PHF20: variants seen among roughly 807,000 people sequenced by gnomAD.
The protein encoded by PHF20 is PHD finger protein 20.
Under a neutral mutation model 113.5 loss-of-function variants are expected in PHF20, and 23 were observed. The observed-to-expected ratio is 0.20, with a 90% CI of 0.15 to 0.29. The LOEUF (loss-of-function observed/expected upper bound fraction) is 0.29. Ranked by LOEUF, PHF20 falls within the 10% of genes least tolerant of loss-of-function variation. The pLI is 1.00. For missense variants in PHF20, 943 were observed against 1,219.6 expected (o/e 0.77, Z 3.38); for synonymous variants, 434 against 457.3 (o/e 0.95, Z 0.65).
In PHF20 at chr20:35,916,803, C is replaced by T. The variant is rs181679107; in HGVS notation, c.1826-681C>T. ...TTGAGACAAAGTCTCACGCTGTCACCCAGGATGGAGTGCAGTGGTGTGATC... is the reference window on the plus strand; with the variant it reads ...TTGAGACAAAGTCTCACGCTGTCACTCAGGATGGAGTGCAGTGGTGTGATC... On this transcript the variant is annotated intron_variant, in intron 12 of 17. Coordinates refer to ENST00000374012, the MANE Select transcript of PHF20 (RefSeq NM_016436.5). Among the ~76,000 whole-genome samples the T allele has an allele frequency of 6.6e-5, 10 of 152,264 alleles. No individual in the cohort carries two copies. The East Asian group carries it at 1.9e-3, about 29-fold the overall frequency.
chr20:35,878,266 G>A (rs1379151226), intron 9 of PHF20, among the ~76,000 whole-genome samples: 2 of 152,130 alleles, frequency 1.3e-5, no homozygotes, highest in Non-Finnish European at 2.9e-5. Flanking sequence ...CTGTCCAGAC[G>A]AATGGATGAG....
At chr20:35,926,272 C>G (rs73618550) in intron 13 of PHF20, among the ~76,000 whole-genome samples, 6,503 of 104,236 alleles carry the variant, frequency 0.062, 138 homozygotes, top group African/African-American at 0.14. Flanking sequence ...GAGTCTCGCT[C>G]TGTGGCCCAG....
chr20:35,878,518 T>C, intron 9 of PHF20: 1 of 632,876 alleles, frequency 1.6e-6, no homozygotes, highest in Non-Finnish European at 2.8e-6. Flanking sequence ...GATCCAAACT[T>C]ATTCAAAAAG....
intron 1 of PHF20, among the ~76,000 whole-genome samples, chr20:35,784,542 T>G (rs985595818): frequency 6.7e-6 from 1 of 148,568 alleles, no homozygotes; most frequent in Non-Finnish European, 1.5e-5. Context: ...GCTCAAGAGA[T>G]TCTCCTGCCT....
chr20:35,863,113 T>G lies in PHF20; in HGVS notation c.521T>G (p.Val174Gly). 3 of 1,613,142 alleles carry G rather than the reference T, an allele frequency of 1.9e-6. No individual in the cohort carries two copies. Among genetic ancestry groups the G allele is most frequent in the Non-Finnish European group, 2.5e-6 (3 of 1,179,792 alleles). ...EKFKEQRKAT[V>G]NVKKDKEDKP... ...TTTAAAGAACAGAGAAAAGCAACAG[T>G]GAATGTGAAGAAAGACAAAGAAGAT... Residue 174 changes from valine (V) to glycine (G), a missense_variant, in exon 6 of 18, where the codon GTG (valine) becomes GGG (glycine). This residue lies in a region of PHF20 where 592 missense variants were observed against 787.2 expected (regional missense o/e 0.75). Transcript: ENST00000374012.
At chr20:35,793,623 A>T (rs1244399212) in intron 1 of PHF20, among the ~76,000 whole-genome samples, 1 of 151,788 alleles carries the variant, frequency 6.6e-6, no homozygotes, top group African/African-American at 2.4e-5. Context: ...TAACAGCCGT[A>T]TCTAAAATAG....
At chr20:35,824,352 TAATCCA>T (rs1033663746) in intron 2 of PHF20, among the ~76,000 whole-genome samples, 1 of 152,180 alleles carries the variant, frequency 6.6e-6, no homozygotes, top group Non-Finnish European at 1.5e-5. Flanking sequence ...CTCACGCCTG[TAATCCA>T]AGCACTTTGG....
intron 6 of PHF20, among the ~76,000 whole-genome samples, chr20:35,868,911 G>A (rs1226516333): frequency 2.6e-5 from 4 of 151,892 alleles, no homozygotes; most frequent in African/African-American, 4.8e-5. Context: ...ACCAACATGG[G>A]GAAACCGTGA....
chr20:35,835,258 G>T (rs1351063646), intron 2 of PHF20, among the ~76,000 whole-genome samples: 1 of 152,020 alleles, frequency 6.6e-6, no homozygotes, highest in Non-Finnish European at 1.5e-5. Flanking sequence ...CTGGGCGACA[G>T]AGCGAGATGC....
intron 1 of PHF20, among the ~76,000 whole-genome samples, chr20:35,773,814 T>C (rs777329263): frequency 1.3e-5 from 2 of 152,186 alleles, no homozygotes; most frequent in Non-Finnish European, 2.9e-5. Context: ...GGTGGTTTAC[T>C]TCTAGAAGAC....
chr20:35,863,761 A>G (rs1257566709), intron 6 of PHF20, among the ~76,000 whole-genome samples: 2 of 152,214 alleles, frequency 1.3e-5, no homozygotes, highest in Non-Finnish European at 2.9e-5. Flanking sequence ...TAGAGTTTTA[A>G]TGAGACAGAC....
chr20:35,813,713 C>T (rs1232683263), intron 2 of PHF20, among the ~76,000 whole-genome samples: 1 of 152,030 alleles, frequency 6.6e-6, no homozygotes, highest in Admixed American at 6.6e-5. Flanking sequence ...CAAAAATTAG[C>T]CAGGCGTGGT....
chr20:35,790,608 C>T (rs2041525183), intron 1 of PHF20, among the ~76,000 whole-genome samples: 1 of 152,142 alleles, frequency 6.6e-6, no homozygotes, highest in African/African-American at 2.4e-5. Context: ...GAGGAAATGA[C>T]TTGTGCAAGT....
chr20:35,888,983 T>A (rs1372750214), intron 9 of PHF20, among the ~76,000 whole-genome samples: 2 of 151,428 alleles, frequency 1.3e-5, no homozygotes, highest in Non-Finnish European at 2.9e-5. Flanking sequence ...GCAGGCCCAT[T>A]TGACAACCAG....
intron 15 of PHF20, among the ~76,000 whole-genome samples, chr20:35,936,495 A>G (rs190245666): frequency 6.6e-6 from 1 of 152,324 alleles, no homozygotes; most frequent in Admixed American, 6.5e-5. Flanking sequence ...ACAGCATTTT[A>G]TGTGCACATA....
At chr20:35,872,465 G>T (rs2054439690) in intron 9 of PHF20, among the ~76,000 whole-genome samples, 1 of 152,200 alleles carries the variant, frequency 6.6e-6, no homozygotes, top group African/African-American at 2.4e-5. Flanking sequence ...GGAGGTTGCG[G>T]TGAGCCAAGA....
intron 10 of PHF20, among the ~76,000 whole-genome samples, chr20:35,902,295 G>A (rs2055112556): frequency 6.6e-6 from 1 of 152,192 alleles, no homozygotes; most frequent in Non-Finnish European, 1.5e-5. Context: ...GAAATAGCAG[G>A]TGCTGGATAT....
chr20:35,870,843 C>A, intron 7 of PHF20, 112 bp from the exon 8 acceptor site: 1 of 672,514 alleles, frequency 1.5e-6, no homozygotes, highest in Non-Finnish European at 2.4e-6. Context: ...TCTAACATTC[C>A]AGTAGTCTCT....
rs1192048312 is a variant in PHF20 at position 35,871,094 on chromosome 20, T to C, written c.1062T>C (p.Pro354=). ...LVVSDLVDTD[P]LQDTLSSTKE... ...TATCAGATTTGGTTGATACGGATCC[T>C]TTGCAAGACACGTTGTCTAGTACCA... Residue 354 remains proline, a synonymous_variant, in exon 8 of 18, where the codon CCT becomes CCC. Transcript: ENST00000374012. 3.1e-6 allele frequency: 5 copies of C among 1,612,806 alleles called. No individual in the cohort carries two copies. The East Asian group carries it at 1.1e-4, about 36-fold the overall frequency.
Sources: allele counts gnomAD v4.1 joint callset (sites outside exome capture counted in the v4.1 genomes callset), GRCh38; gene constraint gnomAD v4.1.1; regional missense constraint gnomAD v4.1.1; transcripts MANE v1.5; gene names NCBI Gene and HGNC (gene_info 2026-07-23, HGNC 2026-07-21).